PTPRD: variants seen among roughly 807,000 people sequenced by gnomAD.
PTPRD encodes the protein protein tyrosine phosphatase receptor type D.
Under a neutral mutation model 214.5 loss-of-function variants are expected in PTPRD, and 34 were observed. That is an observed-to-expected ratio of 0.16 (90% CI 0.12 to 0.21). PTPRD has a LOEUF of 0.21. PTPRD is among the 10% of genes least tolerant of loss of function. PTPRD has a pLI of 1.00. For missense variants in PTPRD, 2,545 were observed against 2,398.7 expected, an observed-to-expected ratio of 1.06 and a Z score of -1.27; for synonymous variants, 1,128 against 845.7, an observed-to-expected ratio of 1.33 and a Z score of -5.79.
At chr9:10,442,464 G>C (rs1386908379) in intron 2 of PTPRD, among the ~76,000 whole-genome samples, 1 of 151,582 alleles carries the variant, frequency 6.6e-6, no homozygotes, top group African/African-American at 2.4e-5. Flanking sequence ...GGTTTATGTG[G>C]AGGCATAGAG....
intron 33 of PTPRD, among the ~76,000 whole-genome samples, chr9:8,458,580 C>CT (rs1393600229): frequency 6.6e-6 from 1 of 152,094 alleles, no homozygotes; most frequent in Non-Finnish European, 1.5e-5. Context: ...TATACCACTG[C>CT]TTTTTATTAT....
At chr9:9,641,504 T>A (rs1394609766) in intron 7 of PTPRD, among the ~76,000 whole-genome samples, 1 of 152,140 alleles carries the variant, frequency 6.6e-6, no homozygotes, top group Non-Finnish European at 1.5e-5. Context: ...TATAGGAAAG[T>A]ACCATAGTGT....
intron 39 of PTPRD, among the ~76,000 whole-genome samples, chr9:8,372,080 A>G (rs2081715016): frequency 6.6e-6 from 1 of 152,096 alleles, no homozygotes; most frequent in Non-Finnish European, 1.5e-5. Flanking sequence ...ATGTATTATT[A>G]TAAATGATCC....
Position 8,501,073 on chromosome 9 carries a change from T to C in PTPRD, c.1823-14A>G, listed in dbSNP as rs2097394611. 1 of 1,605,096 alleles carries C rather than the reference T, an allele frequency of 6.2e-7. No individual in the cohort carries two copies. Among genetic ancestry groups the C allele is most frequent in the African/African-American group, 1.3e-5 (1 of 74,178 alleles). On this transcript the variant is annotated splice_polypyrimidine_tract_variant and intron_variant, in intron 23 of 45. Coordinates refer to ENST00000381196, the MANE Select transcript of PTPRD (RefSeq NM_002839.4). ...GAGCTGACGGCTCTTATTTTGGTAG[T>C]GAGTTAAAGGAGGATTTAAGTGAAA...
At chr9:9,275,217 A>ATATATATATATC (rs1353911020) in intron 9 of PTPRD, among the ~76,000 whole-genome samples, 1 of 97,766 alleles carries the variant, frequency 1.0e-5, no homozygotes, top group African/African-American at 4.1e-5. Flanking sequence ...ATATATATAT[A>ATATATATATATC]ACCATTAGCA....
At chr9:10,408,357 T>A (rs2098398399) in intron 2 of PTPRD, among the ~76,000 whole-genome samples, 3 of 151,610 alleles carry the variant, frequency 2.0e-5, no homozygotes, top group African/African-American at 7.3e-5. Context: ...TGTAATGCTA[T>A]AATCTTTCAC....
At chr9:9,956,629 G>A (rs1263255087) in intron 4 of PTPRD, among the ~76,000 whole-genome samples, 1 of 151,962 alleles carries the variant, frequency 6.6e-6, no homozygotes, top group Non-Finnish European at 1.5e-5. Flanking sequence ...TTCACAAATA[G>A]CTATTTCAGA....
At chr9:9,158,266 G>A (rs2099883070) in intron 10 of PTPRD, among the ~76,000 whole-genome samples, 1 of 152,072 alleles carries the variant, frequency 6.6e-6, no homozygotes, top group African/African-American at 2.4e-5. Context: ...TGGTATTTCT[G>A]CTTCTAAGTC....
At chr9:10,451,682 TG>T (rs765065868) in intron 2 of PTPRD, among the ~76,000 whole-genome samples, 1 of 150,468 alleles carries the variant, frequency 6.6e-6, no homozygotes, top group Non-Finnish European at 1.5e-5. Flanking sequence ...TTCTTATCCT[TG>T]TTATATTGAA....
intron 8 of PTPRD, among the ~76,000 whole-genome samples, chr9:9,457,431 C>A (rs984187631): frequency 6.6e-6 from 1 of 151,832 alleles, no homozygotes; most frequent in African/African-American, 2.4e-5. Context: ...TTAATAATGG[C>A]TGAAAAATAT....
chr9:8,693,621 G>C (rs1017677232), intron 12 of PTPRD, among the ~76,000 whole-genome samples: 8 of 152,186 alleles, frequency 5.3e-5, no homozygotes, highest in African/African-American at 1.7e-4. Flanking sequence ...TTCGATGTAA[G>C]TGACAGAAGT....
chr9:10,345,480 T>C (rs145816572), intron 2 of PTPRD, among the ~76,000 whole-genome samples: 1 of 151,430 alleles, frequency 6.6e-6, no homozygotes, highest in African/African-American at 2.4e-5. Context: ...TTGTTCTCAT[T>C]GTTCTACTCC....
intron 7 of PTPRD, among the ~76,000 whole-genome samples, chr9:9,633,539 T>C (rs2095660212): frequency 6.6e-6 from 1 of 152,200 alleles, no homozygotes; most frequent in African/African-American, 2.4e-5. Flanking sequence ...GCAGATATTA[T>C]TTCTTTATAG....
At chr9:9,265,691 A>C (rs1034131110) in intron 9 of PTPRD, among the ~76,000 whole-genome samples, 1 of 151,464 alleles carries the variant, frequency 6.6e-6, no homozygotes, top group Non-Finnish European at 1.5e-5. Context: ...CAGATTAACA[A>C]AAAAAAGCAA....
chr9:9,426,664 G>T (rs956693344), intron 8 of PTPRD, among the ~76,000 whole-genome samples: 1 of 152,150 alleles, frequency 6.6e-6, no homozygotes. Flanking sequence ...CCCAGTAGGG[G>T]CCGACTGACA....
chr9:9,726,590 C>G (rs1286079223), intron 7 of PTPRD, among the ~76,000 whole-genome samples: 1 of 152,110 alleles, frequency 6.6e-6, no homozygotes, highest in Non-Finnish European at 1.5e-5. Context: ...TATTTCATTT[C>G]AGGAATCTCA....
At chr9:9,322,057 G>A (rs186446485) in intron 9 of PTPRD, among the ~76,000 whole-genome samples, 1 of 152,166 alleles carries the variant, frequency 6.6e-6, no homozygotes, top group Non-Finnish European at 1.5e-5. Context: ...ATTTCTCAAG[G>A]CCTGAATAGT....
At chr9:8,542,806 G>A (rs2078826926) in intron 14 of PTPRD, among the ~76,000 whole-genome samples, 1 of 152,202 alleles carries the variant, frequency 6.6e-6, no homozygotes. Context: ...CTACACACGT[G>A]AGCTCAGCAT....
chr9:9,456,031 G>T (rs1300761115), intron 8 of PTPRD, among the ~76,000 whole-genome samples: 1 of 151,650 alleles, frequency 6.6e-6, no homozygotes, highest in Non-Finnish European at 1.5e-5. Context: ...AAGTTAAATT[G>T]GCAACAACCA....
Sources: allele counts gnomAD v4.1 joint callset (sites outside exome capture counted in the v4.1 genomes callset), GRCh38; gene constraint gnomAD v4.1.1; transcripts MANE v1.5; gene names NCBI Gene and HGNC (gene_info 2026-07-23, HGNC 2026-07-21).